CTNNA2: variants seen among roughly 807,000 people sequenced by gnomAD.
CTNNA2 encodes catenin alpha 2.
In CTNNA2, 42 loss-of-function variants were observed where a neutral mutation model predicts 101.0. That is an observed-to-expected ratio of 0.42 (90% CI 0.32 to 0.54). The LOEUF is 0.54. Among genes scored for constraint, CTNNA2 ranks in the 20% least tolerant of loss-of-function variants. CTNNA2 has a pLI of 0.14. For missense variants in CTNNA2, 871 were observed against 1,223.1 expected (o/e 0.71, Z 4.29); for synonymous variants, 450 against 456.4 (o/e 0.99, Z 0.18).
chr2:80,526,310 A>T (rs186965336), intron 9 of CTNNA2, among the ~76,000 whole-genome samples: 11 of 152,126 alleles, frequency 7.2e-5, no homozygotes, highest in African/African-American at 2.6e-4. Flanking sequence ...AGGGATTCTC[A>T]TGCCTCAGCC....
chr2:80,461,259 T>A (rs1684395949), intron 9 of CTNNA2, among the ~76,000 whole-genome samples: 1 of 152,112 alleles, frequency 6.6e-6, no homozygotes. Context: ...TTCCTTATCC[T>A]CCCCCATGCC....
intron 3 of CTNNA2, among the ~76,000 whole-genome samples, chr2:79,850,783 G>A: frequency 6.6e-6 from 1 of 152,162 alleles, no homozygotes; most frequent in East Asian, 1.9e-4. Context: ...CTCTTCAGTA[G>A]TAAAAGAGTT....
At chr2:80,232,341 GTTTGTTTTTTTTTTTTTTTTTTTTTTTT>G (rs1709283496) in intron 7 of CTNNA2, among the ~76,000 whole-genome samples, 40 of 82,070 alleles carry the variant, frequency 4.9e-4, no homozygotes, top group South Asian at 1.1e-3. Flanking sequence ...TTGTTTGTTT[GTTTGTTTTTTTTTTTTTTTTTTTTTTTT>G]TTTTTTTTTT....
At chr2:80,490,503 AT>A (rs928978719) in intron 9 of CTNNA2, among the ~76,000 whole-genome samples, 8 of 151,940 alleles carry the variant, frequency 5.3e-5, no homozygotes, top group African/African-American at 1.9e-4. Flanking sequence ...TACTCTTTAG[AT>A]TTTTTTTAAC....
intron 3 of CTNNA2, among the ~76,000 whole-genome samples, chr2:79,337,054 G>T (rs1214669743): frequency 6.6e-6 from 1 of 152,094 alleles, no homozygotes; most frequent in Non-Finnish European, 1.5e-5. Flanking sequence ...TTCTGTTTCA[G>T]TTAATCATAA....
chr2:80,541,899 T>TTTTTTTTGAG (rs1553380179), intron 9 of CTNNA2, among the ~76,000 whole-genome samples: 11 of 147,378 alleles, frequency 7.5e-5, no homozygotes, highest in Non-Finnish European at 1.0e-4. Context: ...AAATGTTTTT[T>TTTTTTTTGAG]AATATGGAAA....
At chr2:79,545,337 G>A (rs1409953879) in intron 1 of CTNNA2, among the ~76,000 whole-genome samples, 2 of 152,158 alleles carry the variant, frequency 1.3e-5, no homozygotes, top group African/African-American at 2.4e-5. Context: ...TTGAGTTACA[G>A]TAAGAGGACC....
chr2:79,203,576 G>C (rs1674064437), intron 2 of CTNNA2, among the ~76,000 whole-genome samples: 2 of 152,128 alleles, frequency 1.3e-5, no homozygotes. Flanking sequence ...CAATGAACAG[G>C]CTCTGGAACC....
intron 3 of CTNNA2, among the ~76,000 whole-genome samples, chr2:79,827,863 G>C (rs1033256522): frequency 6.6e-6 from 1 of 152,142 alleles, no homozygotes; most frequent in Non-Finnish European, 1.5e-5. Context: ...TACCAACAAA[G>C]TTTCCACAAT....
chr2:80,403,810 T>C (rs531159710), intron 8 of CTNNA2, among the ~76,000 whole-genome samples: 2 of 152,354 alleles, frequency 1.3e-5, no homozygotes, highest in South Asian at 2.1e-4. Context: ...TGAGAGTTTT[T>C]AACATGAAGG....
At chr2:79,945,312 G>A (rs2916482) in intron 7 of CTNNA2, among the ~76,000 whole-genome samples, 125,328 of 152,082 alleles carry the variant, frequency 0.82, 52,906 homozygotes, top group Non-Finnish European at 0.92. Flanking sequence ...AAGTGCTGGG[G>A]TAACAGGAGT....
chr2:80,584,394 C>T (rs2149724229), intron 14 of CTNNA2, among the ~76,000 whole-genome samples: 1 of 142,148 alleles, frequency 7.0e-6, no homozygotes, highest in East Asian at 2.1e-4. Context: ...CCCATATCTG[C>T]TGCTTGCCTA....
chr2:80,112,202 G>A (rs1388937797), intron 7 of CTNNA2, among the ~76,000 whole-genome samples: 1 of 152,154 alleles, frequency 6.6e-6, no homozygotes, highest in East Asian at 1.9e-4. Context: ...CTGCCTTGGG[G>A]CAGAGATTTG....
At chr2:79,971,551 T>A (rs753838551) in intron 7 of CTNNA2, among the ~76,000 whole-genome samples, 1 of 152,128 alleles carries the variant, frequency 6.6e-6, no homozygotes, top group Non-Finnish European at 1.5e-5. Context: ...CCTGATACAT[T>A]TGGTATTTAT....
intron 12 of CTNNA2, among the ~76,000 whole-genome samples, chr2:80,573,618 A>T (rs908341270): frequency 6.6e-6 from 1 of 152,138 alleles, no homozygotes; most frequent in African/African-American, 2.4e-5. Context: ...TTTGATTGTG[A>T]AGCCATTTGG....
intron 4 of CTNNA2, among the ~76,000 whole-genome samples, chr2:79,452,859 A>G (rs1209063907): frequency 1.3e-5 from 2 of 152,002 alleles, no homozygotes; most frequent in African/African-American, 4.8e-5. Context: ...TATTGATTCT[A>G]TTTTCAGCAG....
intron 6 of CTNNA2, among the ~76,000 whole-genome samples, chr2:79,887,257 T>A (rs1192584439): frequency 1.3e-5 from 2 of 152,084 alleles, no homozygotes; most frequent in African/African-American, 4.8e-5. Context: ...AGAGTAGAAT[T>A]AGGAAGAAGT....
At chr2:79,911,145 T>A (rs1685768040) in intron 7 of CTNNA2, among the ~76,000 whole-genome samples, 1 of 152,198 alleles carries the variant, frequency 6.6e-6, no homozygotes, top group Non-Finnish European at 1.5e-5. Flanking sequence ...AGGGTGCAGC[T>A]AGAAATGTTG....
intron 9 of CTNNA2, among the ~76,000 whole-genome samples, chr2:80,525,272 C>A (rs1056567700): frequency 6.6e-6 from 1 of 151,864 alleles, no homozygotes; most frequent in Admixed American, 6.6e-5. Flanking sequence ...CCTCTCCTGC[C>A]TGGTTGGATG....
Sources: allele counts gnomAD v4.1 joint callset (sites outside exome capture counted in the v4.1 genomes callset), GRCh38; gene constraint gnomAD v4.1.1; transcripts MANE v1.5; gene names NCBI Gene and HGNC (gene_info 2026-07-23, HGNC 2026-07-21).